The following ROBO1 variants were observed in gnomAD, a reference collection of about 807,000 sequenced individuals.
ROBO1 encodes roundabout homolog 1.
Under a neutral mutation model 195.9 loss-of-function variants are expected in ROBO1, and 149 were observed. That is an observed-to-expected ratio of 0.76 (90% CI 0.67 to 0.87). ROBO1 has a LOEUF of 0.87. ROBO1 is among the 40% of genes least tolerant of loss of function. The pLI, the probability that ROBO1 is intolerant of heterozygous loss-of-function variation, is 0.00. For missense variants in ROBO1, 1,933 were observed against 2,068.3 expected (o/e 0.93, Z 1.27); for synonymous variants, 816 against 733.2 (o/e 1.11, Z -1.82).
intron 16 of ROBO1, chr3:78,660,825 G>T: frequency 2.1e-6 from 1 of 475,206 alleles, no homozygotes; most frequent in South Asian, 4.5e-5. Flanking sequence ...TTTGAGGTAG[G>T]CCACTATTGA....
At chr3:78,741,518 T>G (rs547461602) in intron 5 of ROBO1, among the ~76,000 whole-genome samples, 5 of 152,310 alleles carry the variant, frequency 3.3e-5, no homozygotes, top group African/African-American at 1.2e-4. Context: ...AACAAAATAA[T>G]TATTTTTTCA....
intron 1 of ROBO1, among the ~76,000 whole-genome samples, chr3:79,645,767 C>T (rs1383541316): frequency 6.6e-6 from 1 of 152,032 alleles, no homozygotes; most frequent in Non-Finnish European, 1.5e-5. Context: ...CTGGTATAGG[C>T]ACAGACAGAC....
At chr3:79,201,638 G>A (rs925986538) in intron 2 of ROBO1, among the ~76,000 whole-genome samples, 5 of 151,906 alleles carry the variant, frequency 3.3e-5, no homozygotes, top group African/African-American at 7.2e-5. Context: ...AGTCTTAAAT[G>A]TCAGATCTTC....
chr3:79,377,015 A>G (rs768938328), intron 2 of ROBO1, among the ~76,000 whole-genome samples: 4 of 152,052 alleles, frequency 2.6e-5, no homozygotes, highest in Non-Finnish European at 5.9e-5. Context: ...TAGATAATTA[A>G]GCAAATATAT....
chr3:78,702,259 C>G (rs1235358287), intron 8 of ROBO1, among the ~76,000 whole-genome samples: 1 of 152,060 alleles, frequency 6.6e-6, no homozygotes, highest in Non-Finnish European at 1.5e-5. Context: ...ATATTTAAAA[C>G]CATAGCAAGC....
intron 4 of ROBO1, among the ~76,000 whole-genome samples, chr3:78,902,031 TGATA>T: frequency 6.6e-6 from 1 of 152,184 alleles, no homozygotes; most frequent in East Asian, 1.9e-4. Context: ...CTGGAGTCCT[TGATA>T]AATACCAGCC....
At chr3:78,622,763 C>G (rs900281866) in intron 26 of ROBO1, among the ~76,000 whole-genome samples, 1 of 152,154 alleles carries the variant, frequency 6.6e-6, no homozygotes, top group African/African-American at 2.4e-5. Flanking sequence ...CTTTTGGATG[C>G]CAGCTGCCAT....
intron 2 of ROBO1, among the ~76,000 whole-genome samples, chr3:79,539,759 T>A (rs1231050216): frequency 2.0e-5 from 3 of 152,072 alleles, no homozygotes; most frequent in African/African-American, 7.2e-5. Flanking sequence ...TGGACAATTT[T>A]TCATGCTTAA....
At chr3:79,669,708 G>C (rs1266114934) in intron 1 of ROBO1, among the ~76,000 whole-genome samples, 2 of 151,756 alleles carry the variant, frequency 1.3e-5, no homozygotes, top group Admixed American at 1.3e-4. Context: ...GTATACATAA[G>C]AGACCCTAGT....
intron 3 of ROBO1, among the ~76,000 whole-genome samples, chr3:78,981,736 A>G (rs942790448): frequency 4.0e-5 from 6 of 151,432 alleles, no homozygotes; most frequent in African/African-American, 1.5e-4. Flanking sequence ...CTCAGAACCA[A>G]GGACTTCCCA....
rs375495401 is a variant in ROBO1 at position 79,557,532 on chromosome 3, G to A, written c.88+32292C>T. The stretch of plus-strand genomic sequence containing the variant: ...GTGGATCACTTGAGCCCAGGAGTTT[G>A]AGGTCAGCCTGGCCAACAAGGCGAA... On this transcript the variant is annotated intron_variant, in intron 2 of 30. Coordinates refer to ENST00000464233, the MANE Select transcript of ROBO1 (RefSeq NM_002941.4). Among the ~76,000 whole-genome samples, 14 of 151,738 alleles carry A rather than the reference G, an allele frequency of 9.2e-5. No homozygotes were observed. In the East Asian group the frequency reaches 1.2e-3, roughly 13 times the overall value.
chr3:79,124,242 C>A (rs1158894692), intron 3 of ROBO1, among the ~76,000 whole-genome samples: 3 of 152,018 alleles, frequency 2.0e-5, no homozygotes, highest in Non-Finnish European at 4.4e-5. Flanking sequence ...GTCTTTGAAT[C>A]CTCATTCTTA....
intron 4 of ROBO1, 41 bp downstream of exon 4, chr3:78,938,560 G>A (rs1487714165): frequency 1.3e-6 from 2 of 1,535,468 alleles, no homozygotes; most frequent in Admixed American, 3.8e-5. Flanking sequence ...ACGCCACTCT[G>A]CCACTCCCTC....
intron 2 of ROBO1, among the ~76,000 whole-genome samples, chr3:79,210,677 T>C (rs1310039103): frequency 6.6e-6 from 1 of 152,152 alleles, no homozygotes; most frequent in Non-Finnish European, 1.5e-5. Context: ...TTCTGATTGA[T>C]CTTTGGTGTG....
chr3:79,183,906 C>T (rs1267019255), intron 2 of ROBO1, among the ~76,000 whole-genome samples: 2 of 152,160 alleles, frequency 1.3e-5, no homozygotes, highest in African/African-American at 4.8e-5. Context: ...TTAAGAAGAA[C>T]AAGGGAAGTT....
At chr3:79,601,847 C>A (rs1453365526) in intron 1 of ROBO1, among the ~76,000 whole-genome samples, 1 of 151,854 alleles carries the variant, frequency 6.6e-6, no homozygotes. Context: ...TGTATGAAAA[C>A]CTAAAATTAG....
intron 3 of ROBO1, among the ~76,000 whole-genome samples, chr3:78,984,608 T>C (rs895971189): frequency 6.6e-6 from 1 of 152,142 alleles, no homozygotes; most frequent in Non-Finnish European, 1.5e-5. Flanking sequence ...GTATGATGAG[T>C]GAGCATGATG....
At chr3:78,859,951 C>CCT (rs2034692964) in intron 4 of ROBO1, among the ~76,000 whole-genome samples, 1 of 151,912 alleles carries the variant, frequency 6.6e-6, no homozygotes, top group Non-Finnish European at 1.5e-5. Flanking sequence ...TGGTGGCGGA[C>CCT]GCCTGTGGTC....
At chr3:78,800,517 T>C (rs2108572378) in intron 4 of ROBO1, among the ~76,000 whole-genome samples, 1 of 152,128 alleles carries the variant, frequency 6.6e-6, no homozygotes, top group East Asian at 1.9e-4. Flanking sequence ...CTATCCACAG[T>C]TGTGAAGATG....
Sources: gnomAD v4.1 joint callset for allele counts (sites outside exome capture counted in the v4.1 genomes callset) on GRCh38, gnomAD v4.1.1 for gene constraint, MANE v1.5 for transcripts, NCBI Gene and HGNC (gene_info 2026-07-23, HGNC 2026-07-21) for gene names.